Variants in AXIN2 observed in about 807,000 individuals in gnomAD.
AXIN2 encodes the protein axin-2.
A neutral mutation model predicts 74.7 loss-of-function variants in AXIN2; 21 were observed. The observed-to-expected ratio is 0.28, with a 90% CI of 0.20 to 0.40. AXIN2 has a LOEUF of 0.40. AXIN2 is among the 10% of genes least tolerant of loss of function. The pLI, the probability that AXIN2 is intolerant of heterozygous loss-of-function variation, is 1.00. For missense variants in AXIN2, 1,144 were observed against 1,111.1 expected (o/e 1.03, Z -0.42); for synonymous variants, 532 against 454.9 (o/e 1.17, Z -2.16).
chr17:65,541,659 C>T lies in AXIN2; in HGVS notation c.957-102G>A, dbSNP rs2044045765. On this transcript the variant is annotated intron_variant, in intron 3 of 10. Coordinates refer to ENST00000307078, the MANE Select transcript of AXIN2 (RefSeq NM_004655.4). ...CCATCTTGAGATCCCGCCGACAGGG[C>T]CACATGCTTCCATAGGAGTGTCACA... is the stretch of plus-strand genomic sequence containing the variant. The T allele has an allele frequency of 3.2e-6, 3 of 941,378 alleles. No homozygotes were observed. In the Admixed American group the frequency reaches 5.3e-5, roughly 17 times the overall value. 58.3% of individuals were successfully genotyped at this position (941,378 alleles called of 1,614,324 possible). A position where few individuals can be genotyped will look rare whatever the true frequency, so the allele number is the denominator to read the frequency against.
intron 2 of AXIN2, among the ~76,000 whole-genome samples, chr17:65,551,226 G>A (rs1370186996): frequency 6.6e-6 from 1 of 152,152 alleles, no homozygotes; most frequent in Non-Finnish European, 1.5e-5. Flanking sequence ...GGACTAACGG[G>A]ACTCCCTGGG....
rs912733666 is a variant in AXIN2, at chr17:65,558,702, T to C, written c.-82A>G. 5.6e-6 allele frequency: 8 copies of C among 1,417,128 alleles called. No individual in the cohort carries two copies. The highest frequency in any genetic ancestry group is 7.7e-6 in the Non-Finnish European group (8 of 1,037,452). 87.8% of individuals were successfully genotyped at this position (1,417,128 alleles called of 1,614,324 possible). A position where few individuals can be genotyped will look rare whatever the true frequency, so the allele number is the denominator to read the frequency against. On this transcript the variant is annotated 5_prime_UTR_variant, in exon 2 of 11. Coordinates refer to ENST00000307078, the MANE Select transcript of AXIN2 (RefSeq NM_004655.4). The stretch of plus-strand genomic sequence containing the variant: ...GCAATCGGCGTGGTCTCTCTGTCTC[T>C]CTCAAGTCAGCAGGGGCTCATCTGA...
Position 65,557,930 on chromosome 17 carries a change from C to G in AXIN2, c.691G>C (p.Glu231Gln). Reference protein sequence around the residue: ...VCGYLPTLNEEEEWTCADFKC... With the variant: ...VCGYLPTLNEQEEWTCADFKC... Reference sequence around the variant, plus strand: ...AAGTCGGCACAAGTCCACTCCTCTTCTTCATTCAAGGTGGGGAGATAGCCA... The same window carrying G: ...AAGTCGGCACAAGTCCACTCCTCTTGTTCATTCAAGGTGGGGAGATAGCCA... The change falls in exon 2 of 11, where the codon GAA (glutamate) becomes CAA (glutamine). Residue 231 changes from glutamate to glutamine, a missense_variant. Physicochemically the swap from Glu to Gln is conservative, Grantham distance 29. This residue lies in a region of AXIN2 where 1,053 missense variants were observed against 973.5 expected (regional missense o/e 1.08). Coordinates refer to ENST00000307078, the MANE Select transcript of AXIN2 (RefSeq NM_004655.4). 6.2e-7 allele frequency: 1 copy of G among 1,614,212 alleles called. No homozygotes were observed. The highest frequency in any genetic ancestry group is 1.1e-5 in the South Asian group (1 of 91,086).
chr17:65,537,443 G>C lies in AXIN2; in HGVS notation c.1593C>G (p.Ile531Met), dbSNP rs781570454. The part of the protein sequence containing the change: ...HHAVPKTKEE[I>M]EAEATQRVHC... ...GCACCCGCTGCGTGGCCTCCGCCTC[G>C]ATCTCCTCCTTGGTCTTGGGGACGG... The change falls in exon 6 of 11, where the codon ATC (isoleucine) becomes ATG (methionine). Residue 531 changes from isoleucine to methionine, a missense_variant. Coordinates refer to ENST00000307078, the MANE Select transcript of AXIN2 (RefSeq NM_004655.4). 6.2e-7 allele frequency: 1 copy of C among 1,613,956 alleles called. No homozygotes were observed. Among genetic ancestry groups the C allele is most frequent in the African/African-American group, 1.3e-5 (1 of 75,002 alleles).
Position 65,558,403 on chromosome 17 carries a change from G to C in AXIN2, c.218C>G (p.Ser73Cys), listed in dbSNP as rs1306348080. 3 of 1,604,598 alleles carry C rather than the reference G, an allele frequency of 1.9e-6. No homozygotes were observed. Among genetic ancestry groups the C allele is most frequent in the Admixed American group, 3.4e-5 (2 of 59,614 alleles). ...GEPEGRASPD[S>C]PLTRWTKSLH... ...GGACTTGGTCCACCGGGTCAGAGGG[G>C]AATCCGGAGATGCCCGCCCCTCCGG... Residue 73 changes from serine to cysteine, a missense_variant, in exon 2 of 11, where the codon TCC becomes TGC. Physicochemically the swap from Ser to Cys is moderately radical, Grantham distance 112. This residue lies in a region of AXIN2 where 1,053 missense variants were observed against 973.5 expected (regional missense o/e 1.08). Transcript: ENST00000307078.
In AXIN2 at chr17:65,539,172, C is replaced by T. The variant is rs527579422; in HGVS notation, c.1060-829G>A. Among the ~76,000 whole-genome samples the T allele has an allele frequency of 2.0e-5, 3 of 152,070 alleles. No individual in the cohort carries two copies. The East Asian group carries it at 5.8e-4, about 30-fold the overall frequency. On this transcript the variant is annotated intron_variant, in intron 4 of 10. Coordinates refer to ENST00000307078, the MANE Select transcript of AXIN2 (RefSeq NM_004655.4). ...GCTTTCTGTCCTTTTCCTGTCATCT[C>T]GCTCCCCCCACCCAACCCCCCACCT...
intron 2 of AXIN2, among the ~76,000 whole-genome samples, chr17:65,552,700 G>C (rs2044210983): frequency 6.6e-6 from 1 of 152,160 alleles, no homozygotes; most frequent in Non-Finnish European, 1.5e-5. Context: ...GGAAATCACA[G>C]GAAAATTCCA....
rs1228091347 is a variant in AXIN2 at position 65,537,760 on chromosome 17, G to A, written c.1276C>T (p.Leu426=). The part of the protein sequence containing the change: ...GAPTQHPLSL[L]PSGSYEEDPQ... ...TCTTCCTCGTAGCTGCCGGAGGGCAGTAGGGAGAGGGGGTGCTGCGTGGGC... is the reference window on the plus strand; with the variant it reads ...TCTTCCTCGTAGCTGCCGGAGGGCAATAGGGAGAGGGGGTGCTGCGTGGGC... Residue 426 remains leucine (L), a synonymous_variant, in exon 6 of 11, where the codon CTG becomes TTG. Transcript: ENST00000307078. 7.6e-6 allele frequency: 12 copies of A among 1,582,920 alleles called. No individual in the cohort carries two copies. The highest frequency in any genetic ancestry group is 1.0e-5 in the Non-Finnish European group (12 of 1,164,284).
intron 2 of AXIN2, among the ~76,000 whole-genome samples, chr17:65,556,725 G>A (rs1467776171): frequency 6.6e-6 from 1 of 152,072 alleles, no homozygotes; most frequent in Non-Finnish European, 1.5e-5. Context: ...CCTGCTGCTG[G>A]GCACTAGAGA....
chr17:65,537,328 A>C lies in AXIN2; in HGVS notation c.1708T>G (p.Phe570Val), dbSNP rs373442399. 3.0e-5 allele frequency: 49 copies of C among 1,613,774 alleles called. No homozygotes were observed. Among genetic ancestry groups the C allele is most frequent in the Non-Finnish European group, 4.0e-5 (47 of 1,180,014 alleles). Residue 570 changes from phenylalanine to valine, a missense_variant, in exon 6 of 11, where the codon TTT (phenylalanine) becomes GTT (valine). This residue lies in a region of AXIN2 where 1,053 missense variants were observed against 973.5 expected (regional missense o/e 1.08). Coordinates refer to ENST00000307078, the MANE Select transcript of AXIN2 (RefSeq NM_004655.4). The stretch of plus-strand genomic sequence containing the variant: ...TGCGGTCCGCCCGGCACTTACCCAA[A>C]CTGCTCGCTGGGCATGGTTTCCGGA... Reference protein sequence around the residue: ...KAPETMPSEQFGGSRGSTLPK... With the variant: ...KAPETMPSEQVGGSRGSTLPK...
In AXIN2 at chr17:65,548,966, A is replaced by C. The variant is rs79281762; in HGVS notation, c.956+554T>G. ...TCTAACACTCCACCCACACTTACTG[A>C]ATAAACGATGTCCATTTAAAAACAA... is the stretch of plus-strand genomic sequence containing the variant. On this transcript the variant is annotated intron_variant, in intron 3 of 10. Coordinates refer to ENST00000307078, the MANE Select transcript of AXIN2 (RefSeq NM_004655.4). Among the ~76,000 whole-genome samples the C allele has an allele frequency of 4.6e-3, 694 of 152,334 alleles. 6 individuals carry two copies. The highest frequency in any genetic ancestry group is 0.015 in the African/African-American group (639 of 41,566).
intron 4 of AXIN2, among the ~76,000 whole-genome samples, 194 bp from the exon 5 acceptor site, chr17:65,538,537 C>A (rs1479510225): frequency 6.6e-6 from 1 of 151,908 alleles, no homozygotes; most frequent in Non-Finnish European, 1.5e-5. Flanking sequence ...CCATGGTCCC[C>A]ACCAGCGTTT....
intron 2 of AXIN2, among the ~76,000 whole-genome samples, 173 bp downstream of exon 2, chr17:65,557,633 T>A (rs1435155238): frequency 2.6e-5 from 4 of 152,232 alleles, no homozygotes; most frequent in Non-Finnish European, 5.9e-5. Context: ...TGTATGTGCA[T>A]CGCTTTCCCC....
chr17:65,553,031 A>AAAAAAC (rs148009687), intron 2 of AXIN2, among the ~76,000 whole-genome samples: 19 of 152,298 alleles, frequency 1.2e-4, no homozygotes, highest in African/African-American at 4.6e-4. Flanking sequence ...TCCATCTCAA[A>AAAAAAC]AAAAACAAAA....
chr17:65,560,389 G>C (rs1290132050), intron 1 of AXIN2: 1 of 136,438 alleles, frequency 7.3e-6, no homozygotes, highest in Non-Finnish European at 1.6e-5. Flanking sequence ...AGGGGGAAGA[G>C]AAGTAGGAGG....
intron 3 of AXIN2, 72 bp from the exon 4 acceptor site, chr17:65,541,629 A>G: frequency 7.8e-7 from 1 of 1,282,436 alleles, no homozygotes; most frequent in Non-Finnish European, 1.1e-6. Context: ...GGCTACTGTC[A>G]TATGCCATCT....
At chr17:65,560,050 C>T (rs2044339879) in intron 1 of AXIN2, 1 of 152,226 alleles carries the variant, frequency 6.6e-6, no homozygotes, top group Non-Finnish European at 1.5e-5. Context: ...CTCCAGAGCC[C>T]TGGCGGGCAC....
Position 65,528,806 on chromosome 17 carries a change from A to G in AXIN2, c.*1170T>C. On this transcript the variant is annotated 3_prime_UTR_variant, in exon 11 of 11. Transcript: ENST00000307078. Reference sequence around the variant, plus strand: ...GCCCTCAATATAGGGCGACACACGGAGCGGGTGACCGTGCAGGTACAGGTA... The same window carrying G: ...GCCCTCAATATAGGGCGACACACGGGGCGGGTGACCGTGCAGGTACAGGTA... 1 of 480,218 alleles carries G rather than the reference A, an allele frequency of 2.1e-6. No individual in the cohort carries two copies. The highest frequency in any genetic ancestry group is 3.9e-6 in the Non-Finnish European group (1 of 258,968). 29.7% of individuals were successfully genotyped at this position (480,218 alleles called of 1,614,324 possible). A position where few individuals can be genotyped will look rare whatever the true frequency, so the allele number is the denominator to read the frequency against.
rs2043766845 is a variant in AXIN2 at position 65,528,660 on chromosome 17, A to C, written c.*1316T>G. 4 of 517,916 alleles carry C rather than the reference A, an allele frequency of 7.7e-6. No homozygotes were observed. The East Asian group carries it at 1.6e-4, about 21-fold the overall frequency. The allele number at this position is 517,916 out of a possible 1,614,324, so 32.1% of individuals were successfully genotyped here. ...CTTAAATGAACTCTTTATAATGCAT[A>C]ATTTACAGTATAAGTAGAACAAAAT... On this transcript the variant is annotated 3_prime_UTR_variant, in exon 11 of 11. Coordinates refer to ENST00000307078, the MANE Select transcript of AXIN2 (RefSeq NM_004655.4).
Sources: gnomAD v4.1 joint callset for allele counts (sites outside exome capture counted in the v4.1 genomes callset) on GRCh38, gnomAD v4.1.1 for gene constraint, gnomAD v4.1.1 regional missense constraint, MANE v1.5 for transcripts, NCBI Gene and HGNC (gene_info 2026-07-23, HGNC 2026-07-21) for gene names.